CUX2: variants seen among roughly 807,000 people sequenced by gnomAD.
CUX2 encodes the protein cut like homeobox 2, also known as homeobox protein cut-like 2.
A neutral mutation model predicts 144.8 loss-of-function variants in CUX2; 40 were observed. The ratio of observed to expected loss-of-function variants is 0.28; its 90% confidence interval spans 0.21 to 0.36. The LOEUF (loss-of-function observed/expected upper bound fraction) is 0.36, where lower values mean the gene tolerates loss of function less well. Among genes scored for constraint, CUX2 ranks in the 10% least tolerant of loss-of-function variants. The pLI, the probability that CUX2 is intolerant of heterozygous loss-of-function variation, is 1.00. For synonymous variants in CUX2, 827 were observed against 875.6 expected, an observed-to-expected ratio of 0.94 and a Z score of 0.98; for missense variants, 1,615 against 1,994.0, an observed-to-expected ratio of 0.81 and a Z score of 3.62.
At chr12:111,249,083 G>C (rs536880447) in intron 3 of CUX2, among the ~76,000 whole-genome samples, 2 of 152,168 alleles carry the variant, frequency 1.3e-5, no homozygotes, top group Non-Finnish European at 2.9e-5. Context: ...TGTGACCCCC[G>C]TGAACGAGGT....
At chr12:111,189,132 T>C (rs1879730558) in intron 1 of CUX2, among the ~76,000 whole-genome samples, 1 of 151,958 alleles carries the variant, frequency 6.6e-6, no homozygotes, top group East Asian at 1.9e-4. Context: ...ATTAGCCAAG[T>C]GTGGTGGTGT....
intron 4 of CUX2, among the ~76,000 whole-genome samples, chr12:111,275,826 G>A (rs765534609): frequency 1.3e-5 from 2 of 152,026 alleles, no homozygotes; most frequent in Admixed American, 6.6e-5. Context: ...ACACCTCCAC[G>A]CCACCAGCTC....
At chr12:111,259,513 G>T (rs1283595036) in intron 3 of CUX2, among the ~76,000 whole-genome samples, 1 of 152,114 alleles carries the variant, frequency 6.6e-6, no homozygotes, top group Non-Finnish European at 1.5e-5. Flanking sequence ...GTGTCCAGCA[G>T]GAAAAGAACA....
intron 3 of CUX2, among the ~76,000 whole-genome samples, chr12:111,222,205 G>A (rs1430878775): frequency 6.6e-6 from 1 of 152,148 alleles, no homozygotes; most frequent in East Asian, 1.9e-4. Context: ...AGTTGAAAAG[G>A]TAAAATTAAG....
intron 1 of CUX2, among the ~76,000 whole-genome samples, chr12:111,038,725 A>G (rs1869583077): frequency 6.6e-6 from 1 of 152,260 alleles, no homozygotes; most frequent in Non-Finnish European, 1.5e-5. Flanking sequence ...TTTGAATGCT[A>G]GAAGAAAAAA....
rs148710232 is a variant in CUX2 at position 111,098,993 on chromosome 12, G to A, written c.63+64753G>A. On this transcript the variant is annotated intron_variant, in intron 1 of 21. Coordinates refer to ENST00000261726, the MANE Select transcript of CUX2 (RefSeq NM_015267.4). ...CCAGCCTGAGAAGAGCTGTCCCTGA[G>A]TAGGAGCCGGGAGGCCTCTGGAGTA... Among the ~76,000 whole-genome samples the A allele has an allele frequency of 6.2e-3, 940 of 152,342 alleles. 12 individuals carry two copies. The highest frequency in any genetic ancestry group is 0.031 in the South Asian group (152 of 4,832).
At position 111,348,758 on chromosome 12, in the gene CUX2, A is replaced by G. The variant is rs550343858; in HGVS notation, c.*433A>G. 249 of 162,774 alleles carry G rather than the reference A, an allele frequency of 1.5e-3. 4 individuals are homozygous for G. The South Asian group carries it at 0.017, about 11-fold the overall frequency. 10.1% of individuals were successfully genotyped at this position (162,774 alleles called of 1,614,324 possible). On this transcript the variant is annotated 3_prime_UTR_variant, in exon 22 of 22. Coordinates refer to ENST00000261726, the MANE Select transcript of CUX2 (RefSeq NM_015267.4). ...GATGCTGTCACAACTGTTGCGAAGT[A>G]TACACTGAAGTTGTGTCGTTTTTGC...
chr12:111,208,634 CTCAGATATGAT>C (rs1881046172), intron 1 of CUX2, among the ~76,000 whole-genome samples: 1 of 152,176 alleles, frequency 6.6e-6, no homozygotes, highest in South Asian at 2.1e-4. Context: ...AAATGGGAGA[CTCAGATATGAT>C]TCATATTTAC....
At chr12:111,053,662 G>A (rs58303542) in intron 1 of CUX2, among the ~76,000 whole-genome samples, 4,163 of 152,250 alleles carry the variant, frequency 0.027, 176 homozygotes, top group African/African-American at 0.095. Flanking sequence ...CTGACTCTGC[G>A]CTGGGTTGGA....
intron 1 of CUX2, among the ~76,000 whole-genome samples, chr12:111,143,415 G>A (rs1281784496): frequency 1.1e-4 from 16 of 152,260 alleles, no homozygotes; most frequent in Middle Eastern, 3.4e-3. Context: ...ACCAGGCGTC[G>A]TCCACGTTGT....
At chr12:111,315,869 G>GA (rs1887161313) in intron 16 of CUX2, among the ~76,000 whole-genome samples, 2 of 151,690 alleles carry the variant, frequency 1.3e-5, no homozygotes, top group East Asian at 1.9e-4. Context: ...AAGAAAAAAA[G>GA]AAAAAAAACA....
rs1398524629 is a variant in CUX2, at chr12:111,057,467, A to G, written c.63+23227A>G. Reference sequence around the variant, plus strand: ...CAGTGACAGGGCCCTAGATGCTGACAGCACCACCTTTCCTTGCTTTCCAAG... The same window carrying G: ...CAGTGACAGGGCCCTAGATGCTGACGGCACCACCTTTCCTTGCTTTCCAAG... On this transcript the variant is annotated intron_variant, in intron 1 of 21. Transcript: ENST00000261726. The surrounding 1 kb of genome is among the most constrained non-coding windows in gnomAD (Gnocchi z 5.1). Among the ~76,000 whole-genome samples the G allele has an allele frequency of 6.6e-6, 1 of 152,128 alleles. No homozygotes were observed. The highest frequency in any genetic ancestry group is 1.5e-5 in the Non-Finnish European group (1 of 68,016).
At chr12:111,118,911 A>G (rs1046522073) in intron 1 of CUX2, among the ~76,000 whole-genome samples, 6 of 152,234 alleles carry the variant, frequency 3.9e-5, no homozygotes, top group African/African-American at 1.2e-4. Context: ...TACAACTCCA[A>G]GCAAACTCAG....
At chr12:111,326,228 T>G (rs1592971775) in intron 18 of CUX2, among the ~76,000 whole-genome samples, 1 of 29,008 alleles carries the variant, frequency 3.4e-5, no homozygotes, top group Non-Finnish European at 6.1e-5. Context: ...GTGGGTTTTG[T>G]TTATAGTGTT....
At chr12:111,123,135 AC>A (rs1447336581) in intron 1 of CUX2, among the ~76,000 whole-genome samples, 1 of 151,894 alleles carries the variant, frequency 6.6e-6, no homozygotes, top group Non-Finnish European at 1.5e-5. Flanking sequence ...AACTCAATAA[AC>A]CCCAGAGTGA....
Position 111,134,618 on chromosome 12 carries a change from C to CTGTG in CUX2, c.64-79581_64-79580insGTGT, listed in dbSNP as rs773865569. 6.8e-3 allele frequency among the ~76,000 whole-genome samples: 994 copies of CTGTG among 146,174 alleles called. 5 individuals are homozygous for CTGTG. The highest frequency in any genetic ancestry group is 0.028 in the Middle Eastern group (8 of 286). ...TTTCTCTCTCTCTCTCTCTCTCTCT[C>CTGTG]TCTGTGTGTGTGTGTGTGTGTGTGT... On this transcript the variant is annotated intron_variant, in intron 1 of 21. Transcript: ENST00000261726.
intron 1 of CUX2, among the ~76,000 whole-genome samples, chr12:111,193,241 C>T (rs1344810039): frequency 6.6e-6 from 1 of 152,208 alleles, no homozygotes; most frequent in East Asian, 1.9e-4. Flanking sequence ...CCTGACTGCG[C>T]CCCATAGCCC....
intron 1 of CUX2, among the ~76,000 whole-genome samples, chr12:111,155,930 A>AAAAT (rs1877342794): frequency 1.3e-5 from 2 of 151,882 alleles, no homozygotes; most frequent in South Asian, 4.1e-4. Flanking sequence ...AAATAAAAAA[A>AAAAT]AAAAATAAAA....
intron 1 of CUX2, among the ~76,000 whole-genome samples, chr12:111,081,517 G>A (rs1340553143): frequency 2.0e-5 from 3 of 152,078 alleles, no homozygotes; most frequent in Non-Finnish European, 2.9e-5. Flanking sequence ...CCTCACCCAG[G>A]ACTCTTAATT....
Sources: allele counts gnomAD v4.1 joint callset (sites outside exome capture counted in the v4.1 genomes callset), GRCh38; gene constraint gnomAD v4.1.1; non-coding constraint Gnocchi (gnomAD v3.1); transcripts MANE v1.5; gene names NCBI Gene and HGNC (gene_info 2026-07-23, HGNC 2026-07-21).